The following ANKMY1 variants were observed in gnomAD, a reference collection of about 807,000 sequenced individuals.
ANKMY1 encodes ankyrin repeat and MYND domain-containing protein 1.
A neutral mutation model predicts 102.0 loss-of-function variants in ANKMY1; 98 were observed. That is an observed-to-expected ratio of 0.96 (90% CI 0.82 to 1.14). The LOEUF is 1.14. ANKMY1 is among the 50% of genes most tolerant of loss of function. The probability of loss-of-function intolerance (pLI) is 0.00; values close to 1 mark genes in which losing one functional copy is unlikely to be tolerated. For missense variants in ANKMY1, 1,330 were observed against 1,347.6 expected (o/e 0.99, Z 0.20); for synonymous variants, 582 against 559.9 (o/e 1.04, Z -0.56).
intron 4 of ANKMY1, among the ~76,000 whole-genome samples, chr2:240,546,723 A>G (rs2090458624): frequency 6.6e-6 from 1 of 152,244 alleles, no homozygotes; most frequent in Non-Finnish European, 1.5e-5. Flanking sequence ...AGTCTCTGAT[A>G]AAAGAGACTT....
At chr2:240,509,223 G>A (rs1480602146) in intron 12 of ANKMY1, 125 bp downstream of exon 12, 2 of 731,300 alleles carry the variant, frequency 2.7e-6, no homozygotes, top group African/African-American at 2.2e-5. Flanking sequence ...GTGGATGGAT[G>A]AATGGATGGA....
rs749920571 is a variant in ANKMY1, at chr2:240,554,951, T to C, written c.251A>G (p.Glu84Gly). The C allele has an allele frequency of 5.1e-5, 82 of 1,614,042 alleles. No homozygotes were observed. The highest frequency in any genetic ancestry group is 6.8e-5 in the Non-Finnish European group (80 of 1,180,022). Reference protein sequence around the residue: ...SYIQLVQGVQEWQDGCMYQGE... With the variant: ...SYIQLVQGVQGWQDGCMYQGE... ...CTGGTACATGCAACCATCCTGCCAC[T>C]CCTGCACACCCTGGACGAGCTGGAT... Residue 84 changes from glutamate (E) to glycine (G), a missense_variant, in exon 3 of 18, where the codon GAG becomes GGG. Coordinates refer to ENST00000401804, the MANE Select transcript of ANKMY1 (RefSeq NM_001282771.3).
At chr2:240,545,506 C>T (rs531416474) in intron 4 of ANKMY1, among the ~76,000 whole-genome samples, 103 of 152,266 alleles carry the variant, frequency 6.8e-4, no homozygotes, top group African/African-American at 2.4e-3. Flanking sequence ...CAAAGCTGGA[C>T]GGAGAATGAC....
At chr2:240,491,813 A>C (rs1000003999) in intron 15 of ANKMY1, among the ~76,000 whole-genome samples, 22 of 152,034 alleles carry the variant, frequency 1.4e-4, no homozygotes, top group Non-Finnish European at 2.9e-4. Flanking sequence ...GGGTGACTAG[A>C]TGCTTTTCTC....
rs2091819264 is a variant in ANKMY1 at position 240,553,127 on chromosome 2, GC to G, written c.337-71del. On this transcript the variant is annotated intron_variant, in intron 3 of 17. Coordinates refer to ENST00000401804, the MANE Select transcript of ANKMY1 (RefSeq NM_001282771.3). ...CCTGACGGGATGCCCTTGAGGCTGA[GC>G]CACCATGCCTGGTTGGCAATGAATG... 5 of 1,551,520 alleles carry G rather than the reference GC, an allele frequency of 3.2e-6. No homozygotes were observed. The South Asian group carries it at 5.8e-5, about 18-fold the overall frequency.
intron 15 of ANKMY1, among the ~76,000 whole-genome samples, chr2:240,488,007 T>C (rs2076248061): frequency 6.6e-6 from 1 of 152,246 alleles, no homozygotes; most frequent in Non-Finnish European, 1.5e-5. Flanking sequence ...TTTTTGGTTT[T>C]GTTGCCTGTG....
chr2:240,479,844 T>G (rs1316715437), intron 17 of ANKMY1, among the ~76,000 whole-genome samples, 189 bp from the exon 18 acceptor site: 1 of 152,132 alleles, frequency 6.6e-6, no homozygotes, highest in Non-Finnish European at 1.5e-5. Context: ...AAGAGGGGCC[T>G]GCCACACCCA....
chr2:240,532,006 T>C (rs760518967), intron 4 of ANKMY1: 16 of 391,954 alleles, frequency 4.1e-5, no homozygotes, highest in Non-Finnish European at 8.0e-5. Context: ...TAGAGGGTAT[T>C]GTGAGTAGGT....
rs753034098 is a variant in ANKMY1 at position 240,554,870 on chromosome 2, C to G, written c.332G>C (p.Gly111Ala). The part of the protein sequence containing the change: ...LGYGKFSWPT[G>A]ESYHGQFYRD... ...AGAAAGTGTGGAAGCAGTTACCTCGCCTGTGGGCCAAGAGAATTTGCCATA... is the reference window on the plus strand; with the variant it reads ...AGAAAGTGTGGAAGCAGTTACCTCGGCTGTGGGCCAAGAGAATTTGCCATA... The change falls in exon 3 of 18, where the codon GGC becomes GCC. Residue 111 changes from glycine (G) to alanine (A), a missense_variant. Physicochemically the swap from Gly to Ala is moderately conservative, Grantham distance 60 (BLOSUM62 0). Transcript: ENST00000401804. The G allele has an allele frequency of 6.2e-7, 1 of 1,614,012 alleles. No individual in the cohort carries two copies. Among genetic ancestry groups the G allele is most frequent in the African/African-American group, 1.3e-5 (1 of 74,934 alleles).
chr2:240,503,422 G>A (rs979574836), intron 13 of ANKMY1, among the ~76,000 whole-genome samples: 4 of 152,182 alleles, frequency 2.6e-5, no homozygotes, highest in African/African-American at 9.7e-5. Flanking sequence ...CCCATGTTCT[G>A]GCAGCCCCTT....
intron 4 of ANKMY1, among the ~76,000 whole-genome samples, chr2:240,537,298 T>A (rs1009349451): frequency 6.6e-5 from 10 of 152,232 alleles, no homozygotes; most frequent in Non-Finnish European, 1.0e-4. Context: ...ATAAGTTCCA[T>A]AATGTGACCC....
chr2:240,495,815 C>T (rs186776971), intron 15 of ANKMY1, among the ~76,000 whole-genome samples: 97 of 152,314 alleles, frequency 6.4e-4, no homozygotes, highest in Non-Finnish European at 9.7e-4. Flanking sequence ...AGGGCTGGCC[C>T]CTACACCTAC....
At chr2:240,478,191 G>C (rs2074987718), downstream of ANKMY1, among the ~76,000 whole-genome samples, 2 of 152,158 alleles carry the variant, frequency 1.3e-5, no homozygotes, top group African/African-American at 4.8e-5. Flanking sequence ...ATGCCGCCAT[G>C]TTTCCTGTGC....
upstream of ANKMY1, among the ~76,000 whole-genome samples, chr2:240,559,707 T>G (rs62187218): frequency 1.2e-3 from 178 of 152,364 alleles, no homozygotes; most frequent in Non-Finnish European, 1.9e-3. Context: ...TGTCTGGAGC[T>G]GCAACCAGGG....
chr2:240,547,381 A>G (rs2090600423), intron 4 of ANKMY1, among the ~76,000 whole-genome samples: 1 of 151,984 alleles, frequency 6.6e-6, no homozygotes, highest in Non-Finnish European at 1.5e-5. Flanking sequence ...AGGGAAATTT[A>G]TAGCACTAAA....
chr2:240,476,276 G>A (rs894760722), downstream of ANKMY1, among the ~76,000 whole-genome samples: 1 of 152,190 alleles, frequency 6.6e-6, no homozygotes, highest in East Asian at 1.9e-4. Context: ...CGCTTGGAAA[G>A]TCGGATATGT....
chr2:240,535,393 C>T (rs528045546), intron 4 of ANKMY1, among the ~76,000 whole-genome samples: 1 of 152,090 alleles, frequency 6.6e-6, no homozygotes, highest in Non-Finnish European at 1.5e-5. Flanking sequence ...GATAAAGAAC[C>T]AAGTTTTATT....
At chr2:240,485,344 A>G (rs1208838082) in intron 15 of ANKMY1, among the ~76,000 whole-genome samples, 2 of 151,226 alleles carry the variant, frequency 1.3e-5, no homozygotes, top group Non-Finnish European at 3.0e-5. Context: ...AAAAAAAAAG[A>G]AACAAAAATA....
intron 2 of ANKMY1, among the ~76,000 whole-genome samples, chr2:240,556,710 G>A (rs2092387704): frequency 6.6e-6 from 1 of 152,140 alleles, no homozygotes; most frequent in African/African-American, 2.4e-5. Context: ...ACTAGACTTT[G>A]GGCACTCTAC....
Sources: gnomAD v4.1 joint callset for allele counts (sites outside exome capture counted in the v4.1 genomes callset) on GRCh38, gnomAD v4.1.1 for gene constraint, MANE v1.5 for transcripts, NCBI Gene and HGNC (gene_info 2026-07-23, HGNC 2026-07-21) for gene names.